YWHAQ: variants seen among roughly 807,000 people sequenced by gnomAD.
The protein encoded by YWHAQ is tyrosine 3-monooxygenase/tryptophan 5-monooxygenase activation protein theta, also known as 14-3-3 protein theta.
In YWHAQ, 6 loss-of-function variants were observed where a neutral mutation model predicts 28.3. The observed-to-expected ratio is 0.21, with a 90% CI of 0.12 to 0.42. The LOEUF is 0.42. YWHAQ is among the 10% of genes least tolerant of loss of function. YWHAQ has a pLI of 1.00. For missense variants in YWHAQ, 201 were observed against 305.6 expected, an observed-to-expected ratio of 0.66 and a Z score of 2.55; for synonymous variants, 143 against 119.1, an observed-to-expected ratio of 1.20 and a Z score of -1.31.
chr2:9,587,619 C>A, intron 4 of YWHAQ, 110 bp from the exon 5 acceptor site: 1 of 870,748 alleles, frequency 1.1e-6, no homozygotes, highest in East Asian at 2.7e-5. Context: ...TATGTTCTAC[C>A]ATCAACAAAC....
intron 2 of YWHAQ, among the ~76,000 whole-genome samples, chr2:9,623,235 T>C (rs978243919): frequency 6.6e-6 from 1 of 152,230 alleles, no homozygotes; most frequent in Non-Finnish European, 1.5e-5. Flanking sequence ...AGATTTTTGT[T>C]AGCCTTAAAA....
chr2:9,606,731 T>C lies in YWHAQ; in HGVS notation c.295-15216A>G, dbSNP rs918935702. Among the ~76,000 whole-genome samples, 3 of 152,294 alleles carry C rather than the reference T, an allele frequency of 2.0e-5. No individual in the cohort carries two copies. In the East Asian group the frequency reaches 5.8e-4, roughly 29 times the overall value. On this transcript the variant is annotated intron_variant, in intron 2 of 5. Coordinates refer to ENST00000238081, the MANE Select transcript of YWHAQ (RefSeq NM_006826.4). ...TTTTACTAGAGAAGGGGTTTCACCA[T>C]GTTGGTGAGTGTATATCCTTTGCCC...
chr2:9,597,149 C>A (rs1666588492), intron 2 of YWHAQ, among the ~76,000 whole-genome samples: 1 of 152,132 alleles, frequency 6.6e-6, no homozygotes, highest in Non-Finnish European at 1.5e-5. Flanking sequence ...TCTCTGGTCT[C>A]AGAAACTACC....
intron 2 of YWHAQ, among the ~76,000 whole-genome samples, chr2:9,609,271 G>A (rs1666897352): frequency 6.6e-6 from 1 of 151,974 alleles, no homozygotes; most frequent in African/African-American, 2.4e-5. Context: ...CTTGGAGGTG[G>A]GAGAAGCGGA....
chr2:9,594,000 C>T (rs1173906376), intron 2 of YWHAQ, among the ~76,000 whole-genome samples: 5 of 146,360 alleles, frequency 3.4e-5, no homozygotes, highest in Admixed American at 2.0e-4. Flanking sequence ...CACACACACA[C>T]GCACGCACAA....
intron 2 of YWHAQ, among the ~76,000 whole-genome samples, chr2:9,617,816 A>C (rs1667065013): frequency 1.3e-5 from 2 of 151,872 alleles, no homozygotes; most frequent in South Asian, 4.2e-4. Flanking sequence ...AATCCCAGCT[A>C]TTTGGGAGGC....
At chr2:9,589,635 T>C (rs1246445989) in intron 3 of YWHAQ, among the ~76,000 whole-genome samples, 1 of 152,206 alleles carries the variant, frequency 6.6e-6, no homozygotes, top group Non-Finnish European at 1.5e-5. Context: ...CCCTAAATAA[T>C]GTAAACTTTA....
At chr2:9,610,751 GTCTGCC>G (rs1666930648) in intron 2 of YWHAQ, among the ~76,000 whole-genome samples, 1 of 152,090 alleles carries the variant, frequency 6.6e-6, no homozygotes, top group Non-Finnish European at 1.5e-5. Flanking sequence ...GAGGTGATCC[GTCTGCC>G]TCGGCCTCGG....
intron 2 of YWHAQ, among the ~76,000 whole-genome samples, chr2:9,594,239 G>A (rs1010200418): frequency 9.9e-5 from 15 of 152,072 alleles, no homozygotes; most frequent in African/African-American, 3.4e-4. Context: ...AATTTATTGT[G>A]CTCAACATCA....
intron 2 of YWHAQ, chr2:9,615,415 A>G (rs1667023381): frequency 6.6e-6 from 1 of 152,032 alleles, no homozygotes; most frequent in Non-Finnish European, 1.5e-5. Flanking sequence ...AAAGAAAAAA[A>G]AAAAAAGAAC....
chr2:9,599,540 G>C (rs1666645852), intron 2 of YWHAQ, among the ~76,000 whole-genome samples: 1 of 152,106 alleles, frequency 6.6e-6, no homozygotes, highest in Admixed American at 6.6e-5. Flanking sequence ...AAAAATCCTA[G>C]GGTCCTTAAG....
intron 2 of YWHAQ, among the ~76,000 whole-genome samples, chr2:9,592,284 T>G (rs1260524020): frequency 2.0e-5 from 3 of 152,114 alleles, no homozygotes; most frequent in Admixed American, 2.0e-4. Flanking sequence ...AGTTCTTGAG[T>G]ATGTCTTTTG....
intron 5 of YWHAQ, among the ~76,000 whole-genome samples, chr2:9,587,208 G>A (rs942946898): frequency 6.6e-6 from 1 of 152,138 alleles, no homozygotes; most frequent in Non-Finnish European, 1.5e-5. Context: ...TTCCTATCAT[G>A]TTAGAACCTT....
At chr2:9,594,224 T>G (rs2125063962) in intron 2 of YWHAQ, among the ~76,000 whole-genome samples, 1 of 152,256 alleles carries the variant, frequency 6.6e-6, no homozygotes, top group Non-Finnish European at 1.5e-5. Context: ...AAATCAGTTT[T>G]TCAGAATTTA....
In YWHAQ at chr2:9,630,127, G is replaced by C; in HGVS notation, c.294+32C>G. 2.5e-6 allele frequency: 4 copies of C among 1,589,930 alleles called. No homozygotes were observed. The highest frequency in any genetic ancestry group is 2.6e-6 in the Non-Finnish European group (3 of 1,164,466). On this transcript the variant is annotated intron_variant, in intron 2 of 5. Coordinates refer to ENST00000238081, the MANE Select transcript of YWHAQ (RefSeq NM_006826.4). The surrounding 1 kb of genome is among the most constrained non-coding windows in gnomAD (Gnocchi z 5.6). ...TCTCAATGAAAAGCATCTCACAAAA[G>C]GCCTCCCCTGCTCCCCGCGCCGAGG...
chr2:9,603,110 AT>A (rs1206561979), intron 2 of YWHAQ, among the ~76,000 whole-genome samples: 1 of 151,680 alleles, frequency 6.6e-6, no homozygotes, highest in Non-Finnish European at 1.5e-5. Context: ...ATAGGTAAAC[AT>A]TCATATAGCT....
intron 2 of YWHAQ, chr2:9,628,935 C>T (rs912009255): frequency 5.3e-5 from 8 of 151,926 alleles, no homozygotes; most frequent in Non-Finnish European, 1.0e-4. Context: ...TTGTCCGGAT[C>T]GCCTGTCATC....
chr2:9,625,265 A>C (rs866204460), intron 2 of YWHAQ, among the ~76,000 whole-genome samples: 4 of 151,574 alleles, frequency 2.6e-5, no homozygotes, highest in Admixed American at 1.3e-4. Context: ...CCATCACAAA[A>C]AAAAAAAAAA....
Position 9,591,611 on chromosome 2 carries a change from A to C in YWHAQ, c.295-96T>G, listed in dbSNP as rs543810769. ...CTTCTGCCTAGCGGGCATTTCAATC[A>C]TTTACTACTACAGTAATACTATACC... On this transcript the variant is annotated intron_variant, in intron 2 of 5. Coordinates refer to ENST00000238081, the MANE Select transcript of YWHAQ (RefSeq NM_006826.4). The C allele has an allele frequency of 2.8e-6, 4 of 1,441,694 alleles. No homozygotes were observed. The African/African-American group carries it at 5.6e-5, about 20-fold the overall frequency. The allele number at this position is 1,441,694 out of a possible 1,614,324, so 89.3% of individuals were successfully genotyped here. A position where few individuals can be genotyped will look rare whatever the true frequency, so the allele number is the denominator to read the frequency against.
Sources: allele counts gnomAD v4.1 joint callset (sites outside exome capture counted in the v4.1 genomes callset), GRCh38; gene constraint gnomAD v4.1.1; non-coding constraint Gnocchi (gnomAD v3.1); transcripts MANE v1.5; gene names NCBI Gene and HGNC (gene_info 2026-07-23, HGNC 2026-07-21).